The following B4GALNT2 variants were observed in gnomAD, a reference collection of about 807,000 sequenced individuals.
B4GALNT2 encodes beta-1,4-N-acetyl-galactosaminyltransferase 2 (SID blood group), also known as N-acetylneuraminylgalactosylglucosyl-glucoside beta-1,4-N- acetylgalactosaminyltransferase 2.
In B4GALNT2, 42 loss-of-function variants were observed where a neutral mutation model predicts 51.1. The ratio of observed to expected loss-of-function variants is 0.82; its 90% CI spans 0.64 to 1.06. B4GALNT2 has a LOEUF of 1.06. Ranked by LOEUF, B4GALNT2 falls within the 50% of genes least tolerant of loss-of-function variation. The probability of loss-of-function intolerance (pLI) is 0.00; values close to 1 mark genes in which losing one functional copy is unlikely to be tolerated. For synonymous variants in B4GALNT2, 253 were observed against 251.7 expected (o/e 1.01, Z -0.05); for missense variants, 602 against 633.6 (o/e 0.95, Z 0.54).
rs532892265 is a variant in B4GALNT2, at chr17:49,174,041, T to C, written c.*4313T>C. ...GGTAATTTTTGAAAGTCATTTAATG[T>C]TTTCAGTTGATCCCTACATATGGTT... On this transcript the variant is annotated 3_prime_UTR_variant, in exon 11 of 11. Coordinates refer to ENST00000393354, the MANE Select transcript of B4GALNT2 (RefSeq NM_001159387.2). 1 of 152,270 alleles carries C rather than the reference T, an allele frequency of 6.6e-6. No homozygotes were observed. Among genetic ancestry groups the C allele is most frequent in the East Asian group, 1.9e-4 (1 of 5,188 alleles). The allele number at this position is 152,270 out of a possible 1,614,324, so 9.4% of individuals were successfully genotyped here.
chr17:49,142,114 A>T lies in B4GALNT2; in HGVS notation c.295A>T (p.Ser99Cys). ...GYNFQDAYGQ[S>C]DLPAVKARRQ... ...CAACTTTCAGGATGCCTATGGCCAGAGCGACCTCCCAGCGGTGAAAGCGAG... is the reference window on the plus strand; with the variant it reads ...CAACTTTCAGGATGCCTATGGCCAGTGCGACCTCCCAGCGGTGAAAGCGAG... The change falls in exon 3 of 11, where the codon AGC (serine) becomes TGC (cysteine). Residue 99 changes from serine (S) to cysteine (C), a missense_variant. By Grantham distance (112) the Ser-to-Cys change is moderately radical. Transcript: ENST00000393354. The T allele has an allele frequency of 3.1e-6, 5 of 1,614,122 alleles. No homozygotes were observed. Among genetic ancestry groups the T allele is most frequent in the Non-Finnish European group, 3.4e-6 (4 of 1,180,024 alleles).
In B4GALNT2 at chr17:49,168,907, A is replaced by G; in HGVS notation, c.1315+7A>G. 4 of 1,609,978 alleles carry G rather than the reference A, an allele frequency of 2.5e-6. No homozygotes were observed. Among genetic ancestry groups the G allele is most frequent in the Non-Finnish European group, 3.4e-6 (4 of 1,178,570 alleles). ...CAACGAGTGGCTCACTCAGGTGGGA[A>G]GGCTGAAAGAGTGAGGGAGGGAGCT... is the stretch of plus-strand genomic sequence containing the variant. On this transcript the variant is annotated splice_region_variant and intron_variant, in intron 10 of 10. Coordinates refer to ENST00000393354, the MANE Select transcript of B4GALNT2 (RefSeq NM_001159387.2).
rs1567868808 is a variant in B4GALNT2 at position 49,169,574 on chromosome 17, T to C, written c.1367T>C (p.Val456Ala). 1.1e-5 allele frequency: 18 copies of C among 1,612,634 alleles called. No homozygotes were observed. Among genetic ancestry groups the C allele is most frequent in the Non-Finnish European group, 1.3e-5 (15 of 1,180,004 alleles). Residue 456 changes from valine (V) to alanine (A), a missense_variant, in exon 11 of 11, where the codon GTG becomes GCG. Coordinates refer to ENST00000393354, the MANE Select transcript of B4GALNT2 (RefSeq NM_001159387.2). ...GTLLVGSCPE[V>A]IIGHQSRSPV... ...CTACTCGTGGGGTCATGCCCAGAAG[T>C]GATTATAGGTCACCAGTCTCGGTCT...
At chr17:49,142,721 A>G (rs748554165) in intron 3 of B4GALNT2, among the ~76,000 whole-genome samples, 1 of 151,964 alleles carries the variant, frequency 6.6e-6, no homozygotes, top group Non-Finnish European at 1.5e-5. Context: ...AACAAAAACA[A>G]AAACAAAAAA....
chr17:49,168,804 G>T lies in B4GALNT2; in HGVS notation c.1219G>T (p.Val407Leu), dbSNP rs150986602. ...ACCCCTGGATGGCTTCCCCAGCTGCGTGGTGACCAGTGGCGTGGTCAACTT... is the reference window on the plus strand; with the variant it reads ...ACCCCTGGATGGCTTCCCCAGCTGCTTGGTGACCAGTGGCGTGGTCAACTT... Reference protein sequence around the residue: ...FQPLDGFPSCVVTSGVVNFFL... With the variant: ...FQPLDGFPSCLVTSGVVNFFL... Residue 407 changes from valine (V) to leucine (L), a missense_variant, in exon 10 of 11, where the codon GTG becomes TTG. Physicochemically the swap from Val to Leu is conservative, Grantham distance 32. Coordinates refer to ENST00000393354, the MANE Select transcript of B4GALNT2 (RefSeq NM_001159387.2). 4 of 1,613,868 alleles carry T rather than the reference G, an allele frequency of 2.5e-6. No individual in the cohort carries two copies. The highest frequency in any genetic ancestry group is 2.5e-6 in the Non-Finnish European group (3 of 1,180,026).
At chr17:49,141,496 T>A (rs1598199232) in intron 2 of B4GALNT2, 49 bp downstream of exon 2, 1 of 1,571,418 alleles carries the variant, frequency 6.4e-7, no homozygotes. Context: ...ACATCTTCCT[T>A]GCTCCTCCTC....
At chr17:49,133,243 G>A (rs1178394680) in intron 1 of B4GALNT2, 5 of 1,468,228 alleles carry the variant, frequency 3.4e-6, no homozygotes, top group Admixed American at 6.0e-5. Flanking sequence ...CGGGCGCGGG[G>A]ACTGCGGGCT....
chr17:49,133,797 C>T (rs1325047332), intron 1 of B4GALNT2, among the ~76,000 whole-genome samples: 6 of 152,094 alleles, frequency 3.9e-5, no homozygotes, highest in Non-Finnish European at 5.9e-5. Flanking sequence ...CCTGTAATCC[C>T]AGCTACTTGG....
At chr17:49,156,431 C>A in intron 4 of B4GALNT2, 135 bp from the exon 5 acceptor site, 2 of 908,878 alleles carry the variant, frequency 2.2e-6, no homozygotes, top group South Asian at 1.6e-5. Context: ...CACGTGTCAG[C>A]AAACACTCTG....
chr17:49,163,606 A>G (rs2042883361), intron 7 of B4GALNT2, among the ~76,000 whole-genome samples: 1 of 152,050 alleles, frequency 6.6e-6, no homozygotes, highest in Non-Finnish European at 1.5e-5. Context: ...AAATACAAAA[A>G]TTAGCTGGGT....
Position 49,141,448 on chromosome 17 carries a change from G to T in B4GALNT2, c.215+1G>T, listed in dbSNP as rs778812663. On this transcript the variant is annotated splice_donor_variant, in intron 2 of 10. Coordinates refer to ENST00000393354, the MANE Select transcript of B4GALNT2 (RefSeq NM_001159387.2). LOFTEE classifies it high-confidence loss of function. ...ACCTCTTTTCCTACGATGGAATCTG[G>T]TGAGAGACTGCGTGTTCTTTCTTTC... 6.2e-7 allele frequency: 1 copy of T among 1,613,744 alleles called. No homozygotes were observed. The highest frequency in any genetic ancestry group is 1.7e-5 in the Admixed American group (1 of 60,012).
chr17:49,142,720 AAAAAC>A (rs916580600), intron 3 of B4GALNT2, among the ~76,000 whole-genome samples: 10 of 152,070 alleles, frequency 6.6e-5, no homozygotes, highest in Non-Finnish European at 1.0e-4. Flanking sequence ...AAACAAAAAC[AAAAAC>A]AAAAAAAACA....
chr17:49,146,078 C>T (rs1278198131), intron 3 of B4GALNT2, among the ~76,000 whole-genome samples: 4 of 152,014 alleles, frequency 2.6e-5, no homozygotes, highest in Non-Finnish European at 4.4e-5. Context: ...TTCCTGGACC[C>T]GTGAATCCTG....
chr17:49,141,425 C>G lies in B4GALNT2; in HGVS notation c.193C>G (p.Leu65Val), dbSNP rs767284201. Residue 65 changes from leucine (L) to valine (V), a missense_variant, in exon 2 of 11, where the codon CTC becomes GTC. Leu to Val is a conservative substitution (Grantham distance 32, BLOSUM62 1). Coordinates refer to ENST00000393354, the MANE Select transcript of B4GALNT2 (RefSeq NM_001159387.2). ...KLLPEERLRN[L>V]FSYDGIWLFP... ...TCTGCCTGAGGAACGTCTCAGGAACCTCTTTTCCTACGATGGAATCTGGTG... is the reference window on the plus strand; with the variant it reads ...TCTGCCTGAGGAACGTCTCAGGAACGTCTTTTCCTACGATGGAATCTGGTG... 3.7e-6 allele frequency: 6 copies of G among 1,614,176 alleles called. No homozygotes were observed. Among genetic ancestry groups the G allele is most frequent in the Non-Finnish European group, 5.1e-6 (6 of 1,180,028 alleles).
In B4GALNT2 at chr17:49,172,283, C is replaced by A; in HGVS notation, c.*2555C>A. 1 of 180,108 alleles carries A rather than the reference C, an allele frequency of 5.6e-6. No individual in the cohort carries two copies. The highest frequency in any genetic ancestry group is 1.2e-5 in the Non-Finnish European group (1 of 85,750). 11.2% of individuals were successfully genotyped at this position (180,108 alleles called of 1,614,324 possible). A position where few individuals can be genotyped will look rare whatever the true frequency, so the allele number is the denominator to read the frequency against. ...CTGGAATCTCTTCCTCAGCATCTGG[C>A]TCGTGGCAAGGTTTCAGGTGTCTTG... On this transcript the variant is annotated 3_prime_UTR_variant, in exon 11 of 11. Transcript: ENST00000393354.
intron 1 of B4GALNT2, among the ~76,000 whole-genome samples, chr17:49,138,460 C>A (rs947711566): frequency 1.3e-5 from 2 of 152,176 alleles, no homozygotes; most frequent in African/African-American, 4.8e-5. Flanking sequence ...CTTATAGAAA[C>A]CTTTGTAGGG....
chr17:49,124,302 C>T, the B4GALNT2 span, among the ~76,000 whole-genome samples: 1 of 152,136 alleles, frequency 6.6e-6, no homozygotes, highest in Non-Finnish European at 1.5e-5. Flanking sequence ...TCACAATCTC[C>T]AAAGTTATCA....
chr17:49,160,714 C>T lies in B4GALNT2; in HGVS notation c.766+73C>T, dbSNP rs981610238. 45 of 1,344,872 alleles carry T rather than the reference C, an allele frequency of 3.3e-5. No homozygotes were observed. In the African/African-American group the frequency reaches 5.1e-4, roughly 15 times the overall value. 83.3% of individuals were successfully genotyped at this position (1,344,872 alleles called of 1,614,324 possible). A position where few individuals can be genotyped will look rare whatever the true frequency, so the allele number is the denominator to read the frequency against. Reference sequence around the variant, plus strand: ...ATTGGTGAAATTCAGAAGGGATCACCTCTGAGACGGAGGAGAATTGATCAA... The same window carrying T: ...ATTGGTGAAATTCAGAAGGGATCACTTCTGAGACGGAGGAGAATTGATCAA... On this transcript the variant is annotated intron_variant, in intron 7 of 10. Coordinates refer to ENST00000393354, the MANE Select transcript of B4GALNT2 (RefSeq NM_001159387.2).
chr17:49,129,208 G>T (rs12944602), upstream of B4GALNT2, among the ~76,000 whole-genome samples: 1 of 140,182 alleles, frequency 7.1e-6, no homozygotes, highest in Non-Finnish European at 1.6e-5. Context: ...GAGAGAGAGA[G>T]ATAGAGAGGA....
Sources: gnomAD v4.1 joint callset for allele counts (sites outside exome capture counted in the v4.1 genomes callset) on GRCh38, gnomAD v4.1.1 for gene constraint, MANE v1.5 for transcripts, NCBI Gene and HGNC (gene_info 2026-07-23, HGNC 2026-07-21) for gene names.